The following TBC1D5 variants were observed in gnomAD, a reference collection of about 807,000 sequenced individuals.
TBC1D5 encodes the protein TBC1 domain family member 5, also known as TBC1 domain family, member 5.
Under a neutral mutation model 100.3 loss-of-function variants are expected in TBC1D5, and 75 were observed. The ratio of observed to expected loss-of-function variants is 0.75; its 90% CI spans 0.62 to 0.91. TBC1D5 has a LOEUF of 0.91. Among genes scored for constraint, TBC1D5 ranks in the 40% least tolerant of loss-of-function variants. The probability of loss-of-function intolerance (pLI) is 0.00; values close to 1 mark genes in which losing one functional copy is unlikely to be tolerated. For synonymous variants in TBC1D5, 323 were observed against 325.6 expected (o/e 0.99, Z 0.09); for missense variants, 910 against 942.4 (o/e 0.97, Z 0.45).
At chr3:17,194,917 A>G (rs2070450264) in intron 18 of TBC1D5, among the ~76,000 whole-genome samples, 1 of 152,262 alleles carries the variant, frequency 6.6e-6, no homozygotes, top group African/African-American at 2.4e-5. Context: ...TATCTAAAGT[A>G]AAGTAAATAA....
intron 3 of TBC1D5, among the ~76,000 whole-genome samples, chr3:17,450,238 A>G (rs1255031813): frequency 6.6e-6 from 1 of 152,238 alleles, no homozygotes; most frequent in East Asian, 1.9e-4. Flanking sequence ...AGTCATCAAC[A>G]TCAAAGATAA....
intron 3 of TBC1D5, among the ~76,000 whole-genome samples, chr3:17,481,765 C>T (rs547217200): frequency 6.6e-6 from 1 of 152,106 alleles, no homozygotes; most frequent in African/African-American, 2.4e-5. Flanking sequence ...GACGGAGTCT[C>T]GCTCTTGTCG....
At chr3:17,259,812 T>C (rs2078103903) in intron 15 of TBC1D5, among the ~76,000 whole-genome samples, 1 of 152,170 alleles carries the variant, frequency 6.6e-6, no homozygotes, top group South Asian at 2.1e-4. Flanking sequence ...CTTTTCTTTT[T>C]CTGCTGAAAG....
chr3:17,481,402 C>T (rs569479700), intron 3 of TBC1D5, among the ~76,000 whole-genome samples: 1 of 152,312 alleles, frequency 6.6e-6, no homozygotes, highest in South Asian at 2.1e-4. Flanking sequence ...AAGCAGTACT[C>T]AGGTAAAAGG....
chr3:17,673,057 G>GA (rs1225160250), intron 1 of TBC1D5, among the ~76,000 whole-genome samples: 1 of 151,864 alleles, frequency 6.6e-6, no homozygotes, highest in African/African-American at 2.4e-5. Flanking sequence ...GGCTAAGAAG[G>GA]AAAAAAATTG....
At chr3:17,729,879 C>T (rs1007289695) in intron 1 of TBC1D5, among the ~76,000 whole-genome samples, 1 of 152,112 alleles carries the variant, frequency 6.6e-6, no homozygotes, top group Admixed American at 6.5e-5. Context: ...GAGGCCAAGG[C>T]GGGCGAATCA....
chr3:17,342,651 C>A (rs2089187107), intron 13 of TBC1D5, among the ~76,000 whole-genome samples: 1 of 152,072 alleles, frequency 6.6e-6, no homozygotes, highest in Non-Finnish European at 1.5e-5. Flanking sequence ...AGCTAGCAAA[C>A]AAAAGCATAA....
At chr3:17,538,292 T>A (rs1187764354) in intron 2 of TBC1D5, among the ~76,000 whole-genome samples, 1 of 152,132 alleles carries the variant, frequency 6.6e-6, no homozygotes, top group Non-Finnish European at 1.5e-5. Context: ...GTGCTGGTGT[T>A]ATCCACTTCT....
intron 2 of TBC1D5, chr3:17,561,902 T>C (rs2096561646): frequency 1.3e-5 from 2 of 152,174 alleles, no homozygotes; most frequent in South Asian, 2.1e-4. Context: ...AGAAAGTCTA[T>C]TAACTGATTA....
intron 21 of TBC1D5, among the ~76,000 whole-genome samples, chr3:17,165,087 C>G (rs2066455945): frequency 6.6e-6 from 1 of 152,188 alleles, no homozygotes; most frequent in Non-Finnish European, 1.5e-5. Context: ...CTCTTGGATA[C>G]TGCACGTGAT....
chr3:17,327,695 A>AT (rs911173450), intron 13 of TBC1D5, among the ~76,000 whole-genome samples: 3 of 151,486 alleles, frequency 2.0e-5, no homozygotes, highest in Non-Finnish European at 4.4e-5. Flanking sequence ...TTCCCTATTT[A>AT]TTTTTTTCCA....
At chr3:17,580,649 A>C (rs2096688178) in intron 2 of TBC1D5, among the ~76,000 whole-genome samples, 1 of 151,992 alleles carries the variant, frequency 6.6e-6, no homozygotes. Context: ...TTTCTCTCCT[A>C]TTTAAAAAAA....
chr3:17,276,027 G>A (rs2079966977), intron 15 of TBC1D5, among the ~76,000 whole-genome samples: 1 of 152,078 alleles, frequency 6.6e-6, no homozygotes, highest in Admixed American at 6.6e-5. Flanking sequence ...TAATGATGTG[G>A]CCTCCCATGT....
At chr3:17,741,938 T>C (rs923292754), upstream of TBC1D5, among the ~76,000 whole-genome samples, 35 of 151,574 alleles carry the variant, frequency 2.3e-4, no homozygotes, top group African/African-American at 7.8e-4. Context: ...GCTTCTCTCT[T>C]CTAAAGACTA....
intron 18 of TBC1D5, among the ~76,000 whole-genome samples, chr3:17,187,002 G>A (rs1157915401): frequency 6.6e-6 from 1 of 152,028 alleles, no homozygotes; most frequent in Non-Finnish European, 1.5e-5. Context: ...ACAAGGATGG[G>A]GCATTTCAGG....
rs950279231 is a variant in TBC1D5 at position 17,700,806 on chromosome 3, C to A, written c.-101+38537G>T. 8.4e-4 allele frequency among the ~76,000 whole-genome samples: 128 copies of A among 152,086 alleles called. No homozygotes were observed. In the Middle Eastern group the frequency reaches 0.024, roughly 28 times the overall value. ...TACCACCTCACACCAGTGAGAATGG[C>A]GATCATTAAAAAGTCAGGAAACAAC... On this transcript the variant is annotated intron_variant, in intron 1 of 21. Transcript: ENST00000253692.
At chr3:17,688,048 A>G (rs2070567430) in intron 1 of TBC1D5, among the ~76,000 whole-genome samples, 1 of 152,212 alleles carries the variant, frequency 6.6e-6, no homozygotes, top group Non-Finnish European at 1.5e-5. Context: ...ATATTTAACA[A>G]TAGAAGAATG....
intron 3 of TBC1D5, among the ~76,000 whole-genome samples, chr3:17,508,185 C>G (rs1328168922): frequency 1.3e-5 from 2 of 152,152 alleles, no homozygotes; most frequent in African/African-American, 2.4e-5. Flanking sequence ...AAGGCCCTTT[C>G]GCATTTCAAC....
intron 17 of TBC1D5, among the ~76,000 whole-genome samples, chr3:17,218,790 C>G (rs529999306): frequency 6.6e-6 from 1 of 152,130 alleles, no homozygotes; most frequent in South Asian, 2.1e-4. Flanking sequence ...TACTGAGGAA[C>G]TCTTGTATAT....
Sources: gnomAD v4.1 joint callset for allele counts (sites outside exome capture counted in the v4.1 genomes callset) on GRCh38, gnomAD v4.1.1 for gene constraint, MANE v1.5 for transcripts, NCBI Gene and HGNC (gene_info 2026-07-23, HGNC 2026-07-21) for gene names.